The following PLA2G7 variants were observed in gnomAD, a reference collection of about 807,000 sequenced individuals.
The protein encoded by PLA2G7 is phospholipase A2 group VII, also known as platelet-activating factor acetylhydrolase.
Under a neutral mutation model 49.6 loss-of-function variants are expected in PLA2G7, and 63 were observed. The ratio of observed to expected loss-of-function variants is 1.27; its 90% CI spans 1.04 to 1.57. The LOEUF is 1.57. Among genes scored for constraint, PLA2G7 ranks in the 40% most tolerant of loss-of-function variants. The pLI is 0.00. For missense variants in PLA2G7, 596 were observed against 521.2 expected, an observed-to-expected ratio of 1.14 and a Z score of -1.40; for synonymous variants, 193 against 169.9, an observed-to-expected ratio of 1.14 and a Z score of -1.06.
At chr6:46,733,484 CT>C (rs1765796532) in intron 1 of PLA2G7, among the ~76,000 whole-genome samples, 1 of 152,188 alleles carries the variant, frequency 6.6e-6, no homozygotes, top group Non-Finnish European at 1.5e-5. Flanking sequence ...TGGTGCCAGC[CT>C]TGGGTATGAA....
At position 46,725,593 on chromosome 6, in the gene PLA2G7, GA is replaced by G. The variant is rs575174125; in HGVS notation, c.-34-2669del. Reference sequence around the variant, plus strand: ...TTATTCAACATCTTTCTTTTGATCAGAAAAAAAAGGTATATATGTGCAACTC... The same window carrying G: ...TTATTCAACATCTTTCTTTTGATCAGAAAAAAAGGTATATATGTGCAACTC... On this transcript the variant is annotated intron_variant, in intron 1 of 11. Coordinates refer to ENST00000274793, the MANE Select transcript of PLA2G7 (RefSeq NM_005084.4). Among the ~76,000 whole-genome samples the G allele has an allele frequency of 1.7e-3, 251 of 150,762 alleles. 1 individual carries two copies. The highest frequency in any genetic ancestry group is 5.7e-3 in the African/African-American group (236 of 41,094).
chr6:46,722,629 G>A (rs1274854670), intron 2 of PLA2G7, among the ~76,000 whole-genome samples, 154 bp downstream of exon 2: 1 of 152,194 alleles, frequency 6.6e-6, no homozygotes, highest in African/African-American at 2.4e-5. Context: ...TGAGGAAAAA[G>A]TGAGAACCTC....
At chr6:46,709,767 C>T (rs1252756480) in intron 8 of PLA2G7, among the ~76,000 whole-genome samples, 1 of 152,112 alleles carries the variant, frequency 6.6e-6, no homozygotes, top group South Asian at 2.1e-4. Flanking sequence ...TTATTGAGTA[C>T]CTACTCTGTG....
chr6:46,707,870 C>G, intron 10 of PLA2G7, 121 bp downstream of exon 10: 1 of 649,772 alleles, frequency 1.5e-6, no homozygotes, highest in East Asian at 2.8e-5. Context: ...CTAATTCTCT[C>G]CTTATTGAAA....
chr6:46,709,289 A>G (rs1764930645), intron 9 of PLA2G7, 38 bp downstream of exon 9: 1 of 1,119,908 alleles, frequency 8.9e-7, no homozygotes, highest in East Asian at 2.4e-5. Flanking sequence ...TCTTCCAATA[A>G]TTTACTATTC....
At chr6:46,713,999 C>A (rs1582570032) in intron 5 of PLA2G7, among the ~76,000 whole-genome samples, 1 of 152,214 alleles carries the variant, frequency 6.6e-6, no homozygotes, top group African/African-American at 2.4e-5. Context: ...CTCTTCTTAT[C>A]CAATCCTTCT....
chr6:46,725,274 C>T (rs1160352038), intron 1 of PLA2G7, among the ~76,000 whole-genome samples: 1 of 152,024 alleles, frequency 6.6e-6, no homozygotes, highest in Non-Finnish European at 1.5e-5. Context: ...CTCTGTCACC[C>T]AGGCTGGAAT....
At chr6:46,712,035 C>A (rs149105596) in intron 6 of PLA2G7, among the ~76,000 whole-genome samples, 1 of 152,060 alleles carries the variant, frequency 6.6e-6, no homozygotes, top group African/African-American at 2.4e-5. Context: ...AATGAAATGG[C>A]GTATTAAAAA....
intron 1 of PLA2G7, among the ~76,000 whole-genome samples, chr6:46,726,844 G>T (rs1765589113): frequency 6.6e-6 from 1 of 151,922 alleles, no homozygotes; most frequent in Admixed American, 6.6e-5. Flanking sequence ...GTTTCTCCAT[G>T]TTGGCCAGGC....
intron 1 of PLA2G7, among the ~76,000 whole-genome samples, chr6:46,727,243 T>C (rs1582586995): frequency 6.6e-6 from 1 of 152,310 alleles, no homozygotes. Flanking sequence ...TATTTGTCAC[T>C]GTTAAATTCT....
chr6:46,729,893 C>T (rs1765685473), intron 1 of PLA2G7, among the ~76,000 whole-genome samples: 1 of 152,226 alleles, frequency 6.6e-6, no homozygotes, highest in Admixed American at 6.5e-5. Flanking sequence ...GTACATTGAG[C>T]AGTTCTCCTG....
At chr6:46,713,476 T>G (rs1765100243) in intron 5 of PLA2G7, among the ~76,000 whole-genome samples, 1 of 152,180 alleles carries the variant, frequency 6.6e-6, no homozygotes, top group African/African-American at 2.4e-5. Context: ...TAATAAAACT[T>G]TATAGAAATA....
chr6:46,709,507 G>A (rs1764940748), intron 8 of PLA2G7, 89 bp from the exon 9 acceptor site: 2 of 782,048 alleles, frequency 2.6e-6, no homozygotes, highest in Non-Finnish European at 4.6e-6. Context: ...TCATTTCATG[G>A]GGATGGTTAA....
At position 46,716,987 on chromosome 6, in the gene PLA2G7, A is replaced by G; in HGVS notation, c.219T>C (p.Asp73=). 1 of 1,613,640 alleles carries G rather than the reference A, an allele frequency of 6.2e-7. No individual in the cohort carries two copies. The highest frequency in any genetic ancestry group is 8.5e-7 in the Non-Finnish European group (1 of 1,179,530). Residue 73 remains aspartate, a synonymous_variant, in exon 3 of 12, where the codon GAT becomes GAC. Transcript: ENST00000274793. ...ATCAAAGCATTACCTTATTAGTGTG[A>G]TCAAACATTAAGTCTGTACAACCAA... ...YSVGCTDLMF[D]HTNKGTFLRL... is the part of the protein sequence containing the mutation.
chr6:46,731,251 G>C (rs1237070096), intron 1 of PLA2G7, among the ~76,000 whole-genome samples: 2 of 152,108 alleles, frequency 1.3e-5, no homozygotes, highest in Non-Finnish European at 1.5e-5. Context: ...AGTGATAAAC[G>C]AGAGAAAATT....
intron 1 of PLA2G7, among the ~76,000 whole-genome samples, chr6:46,728,594 C>T (rs1765638774): frequency 6.6e-6 from 1 of 152,192 alleles, no homozygotes; most frequent in Non-Finnish European, 1.5e-5. Context: ...TAATCTGCAT[C>T]CCATGTGCAA....
chr6:46,717,583 G>C (rs571926907), intron 2 of PLA2G7, among the ~76,000 whole-genome samples: 4 of 151,952 alleles, frequency 2.6e-5, no homozygotes, highest in South Asian at 2.1e-4. Flanking sequence ...CAACCACACA[G>C]CCTGCAACTC....
In PLA2G7 at chr6:46,712,195, A is replaced by G. The variant is rs546724329; in HGVS notation, c.539+74T>C. On this transcript the variant is annotated intron_variant, in intron 6 of 11. Coordinates refer to ENST00000274793, the MANE Select transcript of PLA2G7 (RefSeq NM_005084.4). ...AACATTTTAAATAAACTTTTATGAA[A>G]ATTAGAAACATAGTTATGAGCATTG... is the stretch of plus-strand genomic sequence containing the variant. 7.2e-6 allele frequency: 7 copies of G among 968,800 alleles called. No individual in the cohort carries two copies. The African/African-American group carries it at 1.1e-4, about 16-fold the overall frequency. 60.0% of individuals were successfully genotyped at this position (968,800 alleles called of 1,614,324 possible).
Position 46,716,388 on chromosome 6 carries a change from G to A in PLA2G7, c.372C>T (p.Leu124=), listed in dbSNP as rs755943605. Residue 124 remains leucine (L), a synonymous_variant, in exon 4 of 12, where the codon CTC becomes CTT. Transcript: ENST00000274793. ...HWLMGNILRL[L]FGSMTTPANW... is the part of the protein sequence containing the mutation. Reference sequence around the variant, plus strand: ...AAGGATCAACAGAAATCTTACCAAAGAGTAACCTCAAAATGTTGCCCATAA... The same window carrying A: ...AAGGATCAACAGAAATCTTACCAAAAAGTAACCTCAAAATGTTGCCCATAA... 9.3e-6 allele frequency: 15 copies of A among 1,614,058 alleles called. No homozygotes were observed. Among genetic ancestry groups the A allele is most frequent in the South Asian group, 1.1e-5 (1 of 91,068 alleles).
Sources: allele counts gnomAD v4.1 joint callset (sites outside exome capture counted in the v4.1 genomes callset), GRCh38; gene constraint gnomAD v4.1.1; transcripts MANE v1.5; gene names NCBI Gene and HGNC (gene_info 2026-07-23, HGNC 2026-07-21).